The following DCUN1D5 variants were observed in gnomAD, a reference collection of about 807,000 sequenced individuals.
The protein encoded by DCUN1D5 is defective in cullin neddylation 1 domain containing 5.
DCUN1D5 carries 10 observed loss-of-function variants against 38.3 expected under a neutral mutation model. The observed-to-expected ratio is 0.26, with a 90% CI of 0.16 to 0.44. DCUN1D5 has a LOEUF of 0.44. Ranked by LOEUF, DCUN1D5 falls within the 20% of genes least tolerant of loss-of-function variation. DCUN1D5 has a pLI of 1.00. For missense variants in DCUN1D5, 148 were observed against 275.3 expected, an observed-to-expected ratio of 0.54 and a Z score of 3.27; for synonymous variants, 93 against 90.9, an observed-to-expected ratio of 1.02 and a Z score of -0.13.
chr11:103,092,154 A>C lies in DCUN1D5; in HGVS notation c.-282T>G. 5.0e-6 allele frequency: 2 copies of C among 397,582 alleles called. No homozygotes were observed. The highest frequency in any genetic ancestry group is 9.1e-6 in the Non-Finnish European group (2 of 219,396). The allele number at this position is 397,582 out of a possible 1,614,324, so 24.6% of individuals were successfully genotyped here. A position where few individuals can be genotyped will look rare whatever the true frequency, so the allele number is the denominator to read the frequency against. ...ACAGCGCGGCAGCTCCACCAGTCAC[A>C]GCAAGCAAGAGGCTCAGCCTAACCC... On this transcript the variant is annotated 5_prime_UTR_variant, in exon 1 of 8. Coordinates refer to ENST00000260247, the MANE Select transcript of DCUN1D5 (RefSeq NM_032299.4).
rs1270008703 is a variant in DCUN1D5, at chr11:103,054,964, T to C, written c.*7395A>G. ...ATGTAGGTGCAGGTTGAATATCTCT[T>C]ATCCAAAATGCTTGGGACCGGAAGT... On this transcript the variant is annotated 3_prime_UTR_variant, in exon 8 of 8. Transcript: ENST00000260247. 6.6e-6 allele frequency: 1 copy of C among 152,158 alleles called. No individual in the cohort carries two copies. The highest frequency in any genetic ancestry group is 1.5e-5 in the Non-Finnish European group (1 of 68,004). 9.4% of individuals were successfully genotyped at this position (152,158 alleles called of 1,614,324 possible).
In DCUN1D5 at chr11:103,091,462, G is replaced by A. The variant is rs1457310541; in HGVS notation, c.86+325C>T. 1.2e-5 allele frequency: 4 copies of A among 334,144 alleles called. No homozygotes were observed. Among genetic ancestry groups the A allele is most frequent in the African/African-American group, 2.2e-5 (1 of 44,458 alleles). The allele number at this position is 334,144 out of a possible 1,614,324, so 20.7% of individuals were successfully genotyped here. On this transcript the variant is annotated intron_variant, in intron 1 of 7. Coordinates refer to ENST00000260247, the MANE Select transcript of DCUN1D5 (RefSeq NM_032299.4). The surrounding 1 kb of genome is among the most constrained non-coding windows in gnomAD (Gnocchi z 4.3). ...GGCAGAGGAGCGATACGGGAGTAGG[G>A]GATCGAGGGTCGGTTGTGGGGTGGG... is the stretch of plus-strand genomic sequence containing the variant.
rs369668943 is a variant in DCUN1D5, at chr11:103,084,816, C to A, written c.179-1490G>T. ...ACAAACCTGCACAACACAGGGAGAC[C>A]CCATCTCTAGGGAAAAAAAAAATAG... On this transcript the variant is annotated intron_variant, in intron 2 of 7. Coordinates refer to ENST00000260247, the MANE Select transcript of DCUN1D5 (RefSeq NM_032299.4). Among the ~76,000 whole-genome samples the A allele has an allele frequency of 6.6e-5, 10 of 151,164 alleles. No individual in the cohort carries two copies. In the East Asian group the frequency reaches 2.0e-3, roughly 30 times the overall value.
rs761583760 is a variant in DCUN1D5 at position 103,073,594 on chromosome 11, C to A, written c.342-7027G>T. On this transcript the variant is annotated intron_variant, in intron 4 of 7. Coordinates refer to ENST00000260247, the MANE Select transcript of DCUN1D5 (RefSeq NM_032299.4). The surrounding 1 kb of genome is among the most constrained non-coding windows in gnomAD (Gnocchi z 4.2). ...TAAGACACATCAGTGGAACAGAGAA[C>A]CCAGAAATAAATGTACACAAATATG... Among the ~76,000 whole-genome samples the A allele has an allele frequency of 6.6e-6, 1 of 152,084 alleles. No individual in the cohort carries two copies. Among genetic ancestry groups the A allele is most frequent in the African/African-American group, 2.4e-5 (1 of 41,394 alleles).
rs1052448752 is a variant in DCUN1D5 at position 103,053,731 on chromosome 11, A to AC, written c.*8627dup. 3 of 151,868 alleles carry AC rather than the reference A, an allele frequency of 2.0e-5. No homozygotes were observed. The highest frequency in any genetic ancestry group is 4.8e-5 in the African/African-American group (2 of 41,348). 9.4% of individuals were successfully genotyped at this position (151,868 alleles called of 1,614,324 possible). On this transcript the variant is annotated 3_prime_UTR_variant, in exon 8 of 8. Coordinates refer to ENST00000260247, the MANE Select transcript of DCUN1D5 (RefSeq NM_032299.4). This position sits in a 1 kb window ranked among gnomAD's most constrained non-coding sequence, Gnocchi z 4.8. ...ATGAATATATCATATTATCACATGT[A>AC]CCCCCCAAATAAATACATCTATTAT...
Position 103,052,027 on chromosome 11 carries a change from T to C in DCUN1D5, c.*10332A>G, listed in dbSNP as rs1052436867. 2.0e-5 allele frequency: 3 copies of C among 152,254 alleles called. No homozygotes were observed. The highest frequency in any genetic ancestry group is 4.4e-5 in the Non-Finnish European group (3 of 68,046). The allele number at this position is 152,254 out of a possible 1,614,324, so 9.4% of individuals were successfully genotyped here. On this transcript the variant is annotated 3_prime_UTR_variant, in exon 8 of 8. Coordinates refer to ENST00000260247, the MANE Select transcript of DCUN1D5 (RefSeq NM_032299.4). Reference sequence around the variant, plus strand: ...GTCATATTATTCAACTGGCACTAACTCAGAAAATGCTTAGTGAGATCTGTC... The same window carrying C: ...GTCATATTATTCAACTGGCACTAACCCAGAAAATGCTTAGTGAGATCTGTC...
chr11:103,089,594 AAAG>A (rs966066558), intron 1 of DCUN1D5, among the ~76,000 whole-genome samples: 2 of 152,176 alleles, frequency 1.3e-5, no homozygotes, highest in African/African-American at 4.8e-5. Flanking sequence ...AAAAGACTAC[AAAG>A]AAGTTCAACC....
Position 103,073,561 on chromosome 11 carries a change from CAGA to C in DCUN1D5, c.342-6997_342-6995del, listed in dbSNP as rs796938298. ...AGTAATCCAGACTGTGTGGTACTGG[CAGA>C]AGGTTAAGACACATCAGTGGAACAG... On this transcript the variant is annotated intron_variant, in intron 4 of 7. Coordinates refer to ENST00000260247, the MANE Select transcript of DCUN1D5 (RefSeq NM_032299.4). This position sits in a 1 kb window ranked among gnomAD's most constrained non-coding sequence, Gnocchi z 4.2. Among the ~76,000 whole-genome samples, 7 of 152,280 alleles carry C rather than the reference CAGA, an allele frequency of 4.6e-5. No individual in the cohort carries two copies. Among genetic ancestry groups the C allele is most frequent in the African/African-American group, 1.7e-4 (7 of 41,550 alleles).
intron 4 of DCUN1D5, among the ~76,000 whole-genome samples, chr11:103,067,136 T>G (rs1376034241): frequency 6.6e-6 from 1 of 152,172 alleles, no homozygotes; most frequent in East Asian, 1.9e-4. Context: ...TTCAAATAAG[T>G]TATATATGCA....
rs888740196 is a variant in DCUN1D5, at chr11:103,066,057, G to C, written c.555+212C>G. On this transcript the variant is annotated intron_variant, in intron 6 of 7. Coordinates refer to ENST00000260247, the MANE Select transcript of DCUN1D5 (RefSeq NM_032299.4). The surrounding 1 kb of genome is among the most constrained non-coding windows in gnomAD (Gnocchi z 4.7). Reference sequence around the variant, plus strand: ...GGAGGTTTCTTTTATTTGGGGGACTGGGGGGGTAGGATTGAAAATATCTTA... The same window carrying C: ...GGAGGTTTCTTTTATTTGGGGGACTCGGGGGGTAGGATTGAAAATATCTTA... Among the ~76,000 whole-genome samples the C allele has an allele frequency of 6.6e-6, 1 of 151,314 alleles. No individual in the cohort carries two copies. The highest frequency in any genetic ancestry group is 1.5e-5 in the Non-Finnish European group (1 of 67,806).
chr11:103,056,236 GC>G lies in DCUN1D5; in HGVS notation c.*6122del, dbSNP rs1307077170. ...CCTACTCTTGAGAAAGGGCTATAAT[GC>G]CCTACGTAATTACCTACAATCAGGC... On this transcript the variant is annotated 3_prime_UTR_variant, in exon 8 of 8. Transcript: ENST00000260247. The surrounding 1 kb of genome is among the most constrained non-coding windows in gnomAD (Gnocchi z 4.9). Among the ~76,000 whole-genome samples, 2 of 152,096 alleles carry G rather than the reference GC, an allele frequency of 1.3e-5. No individual in the cohort carries two copies. Among genetic ancestry groups the G allele is most frequent in the East Asian group, 3.8e-4 (2 of 5,198 alleles).
rs1427818074 is a variant in DCUN1D5, at chr11:103,051,826, G to A, written c.*10533C>T. ...CAGATCTCTGAACTCCAAACCCAGG[G>A]CTCTTTCCAGCCTTCCTTACTAGTC... is the stretch of plus-strand genomic sequence containing the variant. On this transcript the variant is annotated 3_prime_UTR_variant, in exon 8 of 8. Coordinates refer to ENST00000260247, the MANE Select transcript of DCUN1D5 (RefSeq NM_032299.4). The A allele has an allele frequency of 6.6e-6, 1 of 152,090 alleles. No individual in the cohort carries two copies. Among genetic ancestry groups the A allele is most frequent in the Non-Finnish European group, 1.5e-5 (1 of 68,042 alleles). 9.4% of individuals were successfully genotyped at this position (152,090 alleles called of 1,614,324 possible).
At position 103,062,541 on chromosome 11, in the gene DCUN1D5, A is replaced by G. The variant is rs1267670308; in HGVS notation, c.659-127T>C. 1 of 764,098 alleles carries G rather than the reference A, an allele frequency of 1.3e-6. No homozygotes were observed. The highest frequency in any genetic ancestry group is 2.7e-5 in the Admixed American group (1 of 37,000). The allele number at this position is 764,098 out of a possible 1,614,324, so 47.3% of individuals were successfully genotyped here. ...TCCTTTCTTTGGGTGTTCTGCTTCT[A>G]GACACCTTATTCCATTTAATGGTGC... On this transcript the variant is annotated intron_variant, in intron 7 of 7. Transcript: ENST00000260247. The surrounding 1 kb of genome is among the most constrained non-coding windows in gnomAD (Gnocchi z 4.6).
At chr11:103,084,140 C>T (rs1565292941) in intron 2 of DCUN1D5, among the ~76,000 whole-genome samples, 1 of 152,092 alleles carries the variant, frequency 6.6e-6, no homozygotes, top group Admixed American at 6.5e-5. Flanking sequence ...CACTAGGTCT[C>T]TTTTGTGACT....
chr11:103,062,038 C>A lies in DCUN1D5; in HGVS notation c.*321G>T. 1 of 243,610 alleles carries A rather than the reference C, an allele frequency of 4.1e-6. No homozygotes were observed. The highest frequency in any genetic ancestry group is 7.8e-6 in the Non-Finnish European group (1 of 128,680). The allele number at this position is 243,610 out of a possible 1,614,324, so 15.1% of individuals were successfully genotyped here. On this transcript the variant is annotated 3_prime_UTR_variant, in exon 8 of 8. Coordinates refer to ENST00000260247, the MANE Select transcript of DCUN1D5 (RefSeq NM_032299.4). The surrounding 1 kb of genome is among the most constrained non-coding windows in gnomAD (Gnocchi z 4.6). ...TCAAAAATCAAAAAATTCAAATTTA[C>A]AAAAATAAATACCACTCTGACACTC...
At chr11:103,075,286 G>GTAAA (rs1242443347) in intron 4 of DCUN1D5, among the ~76,000 whole-genome samples, 4 of 152,274 alleles carry the variant, frequency 2.6e-5, no homozygotes, top group Admixed American at 6.5e-5. Context: ...TTTCTTCAGG[G>GTAAA]TAAATGTCAG....
intron 4 of DCUN1D5, among the ~76,000 whole-genome samples, chr11:103,082,296 A>T (rs1862584881): frequency 6.6e-6 from 1 of 152,154 alleles, no homozygotes; most frequent in Non-Finnish European, 1.5e-5. Flanking sequence ...TTGGCAATAA[A>T]GAAATCATAA....
intron 4 of DCUN1D5, among the ~76,000 whole-genome samples, chr11:103,079,360 T>G (rs547966471): frequency 6.6e-6 from 1 of 152,340 alleles, no homozygotes; most frequent in Non-Finnish European, 1.5e-5. Flanking sequence ...CTGCATCTTA[T>G]TCCTCGCTGT....
chr11:103,073,690 AT>A lies in DCUN1D5; in HGVS notation c.342-7124del, dbSNP rs1206435850. ...ACTGACTTACATGTAAAATTTAATAATGGAAGGCTTCTAGAAAAATACATGA... is the reference window on the plus strand; with the variant it reads ...ACTGACTTACATGTAAAATTTAATAAGGAAGGCTTCTAGAAAAATACATGA... On this transcript the variant is annotated intron_variant, in intron 4 of 7. Transcript: ENST00000260247. The surrounding 1 kb of genome is among the most constrained non-coding windows in gnomAD (Gnocchi z 4.2). Among the ~76,000 whole-genome samples the A allele has an allele frequency of 2.0e-5, 3 of 152,242 alleles. No individual in the cohort carries two copies. The highest frequency in any genetic ancestry group is 4.4e-5 in the Non-Finnish European group (3 of 68,050).
Sources: allele counts gnomAD v4.1 joint callset (sites outside exome capture counted in the v4.1 genomes callset), GRCh38; gene constraint gnomAD v4.1.1; non-coding constraint Gnocchi (gnomAD v3.1); transcripts MANE v1.5; gene names NCBI Gene and HGNC (gene_info 2026-07-23, HGNC 2026-07-21).